Variants in FAM135B observed in about 807,000 individuals in gnomAD.
FAM135B encodes family with sequence similarity 135 member B.
FAM135B carries 43 observed loss-of-function variants against 127.7 expected under a neutral mutation model. The ratio of observed to expected loss-of-function variants is 0.34; its 90% confidence interval spans 0.26 to 0.43. The LOEUF (loss-of-function observed/expected upper bound fraction) is 0.43. FAM135B is among the 20% of genes least tolerant of loss of function. FAM135B has a pLI of 1.00. For missense variants in FAM135B, 1,558 were observed against 1,725.6 expected, an observed-to-expected ratio of 0.90 and a Z score of 1.72; for synonymous variants, 670 against 665.1, an observed-to-expected ratio of 1.01 and a Z score of -0.11.
At chr8:138,252,952 A>C (rs1821808455) in intron 5 of FAM135B, among the ~76,000 whole-genome samples, 2 of 152,054 alleles carry the variant, frequency 1.3e-5, no homozygotes, top group South Asian at 4.2e-4. Context: ...AGTGTGCACC[A>C]CCACGCCCAG....
At chr8:138,380,311 C>A (rs1315425389) in intron 1 of FAM135B, among the ~76,000 whole-genome samples, 1 of 152,086 alleles carries the variant, frequency 6.6e-6, no homozygotes, top group Non-Finnish European at 1.5e-5. Context: ...GATTCTCCTG[C>A]CTCAGCCTCT....
chr8:138,396,451 G>A (rs181865964), intron 1 of FAM135B, among the ~76,000 whole-genome samples: 1 of 152,274 alleles, frequency 6.6e-6, no homozygotes, highest in African/African-American at 2.4e-5. Context: ...AATGACTCAG[G>A]GCAAGAGTGG....
intron 7 of FAM135B, among the ~76,000 whole-genome samples, chr8:138,237,564 G>T (rs1172038574): frequency 6.6e-6 from 1 of 152,090 alleles, no homozygotes; most frequent in Non-Finnish European, 1.5e-5. Context: ...CCAGGTATTT[G>T]GTCCAACATT....
chr8:138,196,229 A>G (rs1033106501), intron 8 of FAM135B, among the ~76,000 whole-genome samples: 1 of 152,248 alleles, frequency 6.6e-6, no homozygotes, highest in Non-Finnish European at 1.5e-5. Flanking sequence ...ACTGCTACTG[A>G]AAAATCTCCA....
At chr8:138,190,278 C>T in intron 9 of FAM135B, among the ~76,000 whole-genome samples, 1 of 152,202 alleles carries the variant, frequency 6.6e-6, no homozygotes, top group Non-Finnish European at 1.5e-5. Context: ...TGAACCCCTC[C>T]TCTTGGTCAG....
chr8:138,225,835 A>C (rs948200964), intron 7 of FAM135B, among the ~76,000 whole-genome samples: 5 of 152,146 alleles, frequency 3.3e-5, no homozygotes, highest in Non-Finnish European at 7.3e-5. Flanking sequence ...TGAGCTTTCA[A>C]CACCAACCCT....
At chr8:138,186,117 G>A (rs183708729) in intron 9 of FAM135B, among the ~76,000 whole-genome samples, 334 of 152,172 alleles carry the variant, frequency 2.2e-3, no homozygotes, top group African/African-American at 7.5e-3. Context: ...GCTCCATGCC[G>A]GCCTCCCCAG....
intron 1 of FAM135B, among the ~76,000 whole-genome samples, chr8:138,368,306 G>A (rs773690834): frequency 3.9e-5 from 6 of 152,196 alleles, no homozygotes; most frequent in Non-Finnish European, 7.4e-5. Context: ...CATCCCGGCC[G>A]AGAGCACATC....
At chr8:138,330,985 G>A (rs923324893) in intron 2 of FAM135B, among the ~76,000 whole-genome samples, 4 of 151,918 alleles carry the variant, frequency 2.6e-5, no homozygotes, top group Non-Finnish European at 5.9e-5. Context: ...TGGGATTACA[G>A]GCATGCACCA....
At chr8:138,246,452 C>T (rs552413933) in intron 6 of FAM135B, among the ~76,000 whole-genome samples, 3 of 152,266 alleles carry the variant, frequency 2.0e-5, no homozygotes, top group African/African-American at 7.2e-5. Context: ...CAAGGTATAG[C>T]TCAGCCCACG....
At position 138,226,184 on chromosome 8, in the gene FAM135B, T is replaced by TGCGCGCGC. The variant is rs1554637377; in HGVS notation, c.669+16757_669+16758insGCGCGCGC. ...GTGTGTGTGTGTGTGTGTGTGTGTGTGCGCGCATGTCATTTTTTTTTTCAT... is the reference window on the plus strand; with the variant it reads ...GTGTGTGTGTGTGTGTGTGTGTGTGTGCGCGCGCGCGCGCATGTCATTTTTTTTTTCAT... On this transcript the variant is annotated intron_variant, in intron 7 of 19. Transcript: ENST00000395297. Among the ~76,000 whole-genome samples the TGCGCGCGC allele has an allele frequency of 1.9e-4, 26 of 139,260 alleles. No homozygotes were observed. In the East Asian group the frequency reaches 2.4e-3, roughly 13 times the overall value. 91.4% of individuals were successfully genotyped at this position (139,260 alleles called of 152,430 possible). A position where few individuals can be genotyped will look rare whatever the true frequency, so the allele number is the denominator to read the frequency against.
At chr8:138,480,374 C>T (rs141408510) in intron 1 of FAM135B, among the ~76,000 whole-genome samples, 12 of 152,212 alleles carry the variant, frequency 7.9e-5, no homozygotes, top group African/African-American at 2.9e-4. Flanking sequence ...GATGGGATCG[C>T]TCTGTTTCTG....
chr8:138,424,513 C>A (rs1834726938), intron 1 of FAM135B, among the ~76,000 whole-genome samples: 1 of 152,142 alleles, frequency 6.6e-6, no homozygotes, highest in South Asian at 2.1e-4. Flanking sequence ...TTACCCTTGA[C>A]AAAGTAGTTT....
intron 1 of FAM135B, among the ~76,000 whole-genome samples, chr8:138,395,064 G>C (rs919148609): frequency 2.0e-5 from 3 of 152,146 alleles, no homozygotes; most frequent in African/African-American, 7.2e-5. Context: ...AGCCCCTGCT[G>C]GCCAGTGGGT....
intron 11 of FAM135B, among the ~76,000 whole-genome samples, chr8:138,172,125 G>A (rs1820516241): frequency 6.6e-6 from 1 of 152,182 alleles, no homozygotes; most frequent in Non-Finnish European, 1.5e-5. Flanking sequence ...ATATTTAAAG[G>A]GAAAAACAAC....
chr8:138,408,051 G>T (rs1833628912), intron 1 of FAM135B, among the ~76,000 whole-genome samples: 1 of 152,174 alleles, frequency 6.6e-6, no homozygotes, highest in South Asian at 2.1e-4. Context: ...AGCACAGGCA[G>T]AGTAGATTTA....
chr8:138,262,903 GAA>G (rs71316332), intron 4 of FAM135B, among the ~76,000 whole-genome samples: 7 of 95,358 alleles, frequency 7.3e-5, no homozygotes, highest in African/African-American at 1.3e-4. Flanking sequence ...CTCTGTCTCA[GAA>G]AAAAAAAAAA....
intron 1 of FAM135B, among the ~76,000 whole-genome samples, chr8:138,487,588 T>G (rs1815028373): frequency 7.7e-6 from 1 of 130,188 alleles, no homozygotes; most frequent in African/African-American, 2.9e-5. Context: ...GTGGGAGCTG[T>G]CCACTGCATT....
intron 1 of FAM135B, among the ~76,000 whole-genome samples, chr8:138,430,432 C>G (rs1443729402): frequency 6.6e-6 from 1 of 152,174 alleles, no homozygotes; most frequent in Non-Finnish European, 1.5e-5. Flanking sequence ...TTCTATGGAT[C>G]AGGAATTTAA....
Sources: gnomAD v4.1 joint callset for allele counts (sites outside exome capture counted in the v4.1 genomes callset) on GRCh38, gnomAD v4.1.1 for gene constraint, MANE v1.5 for transcripts, NCBI Gene and HGNC (gene_info 2026-07-23, HGNC 2026-07-21) for gene names.